The following SSBP3 variants were observed in gnomAD, a reference collection of about 807,000 sequenced individuals.
SSBP3 encodes single stranded DNA binding protein 3.
A neutral mutation model predicts 69.6 loss-of-function variants in SSBP3; 5 were observed. The observed-to-expected ratio is 0.07, with a 90% CI of 0.04 to 0.15. SSBP3 has a LOEUF of 0.15. Among genes scored for constraint, SSBP3 ranks in the 10% least tolerant of loss-of-function variants. The probability of loss-of-function intolerance (pLI) is 1.00; values close to 1 mark genes in which losing one functional copy is unlikely to be tolerated. For synonymous variants in SSBP3, 196 were observed against 193.4 expected (o/e 1.01, Z -0.11); for missense variants, 312 against 534.0 (o/e 0.58, Z 4.10).
At chr1:54,407,880 T>C (rs1009816416), upstream of SSBP3, among the ~76,000 whole-genome samples, 1 of 150,444 alleles carries the variant, frequency 6.6e-6, no homozygotes, top group African/African-American at 2.5e-5. Flanking sequence ...ACGTTTCAAG[T>C]AGGAAAACTC....
intron 4 of SSBP3, among the ~76,000 whole-genome samples, chr1:54,390,345 A>C (rs1056579323): frequency 1.2e-4 from 18 of 152,250 alleles, no homozygotes; most frequent in Admixed American, 1.1e-3. Flanking sequence ...GTCACTCTCT[A>C]AAATCCCAGG....
At position 54,369,014 on chromosome 1, in the gene SSBP3, C is replaced by G. The variant is rs148514166; in HGVS notation, c.276+32847G>C. On this transcript the variant is annotated intron_variant, in intron 4 of 17. Transcript: ENST00000610401. ...TGAGCAGAATTCACAGCACCACACTCCCCTAAAACAAGTAGATGGCTCCAT... is the reference window on the plus strand; with the variant it reads ...TGAGCAGAATTCACAGCACCACACTGCCCTAAAACAAGTAGATGGCTCCAT... Among the ~76,000 whole-genome samples the G allele has an allele frequency of 8.2e-3, 1,245 of 152,310 alleles. 11 individuals are homozygous for G. The highest frequency in any genetic ancestry group is 0.028 in the African/African-American group (1,163 of 41,554).
intron 4 of SSBP3, among the ~76,000 whole-genome samples, chr1:54,396,147 G>A (rs192291685): frequency 7.3e-6 from 1 of 136,696 alleles, no homozygotes; most frequent in Admixed American, 7.8e-5. Context: ...AGCCAAGATC[G>A]CGCCATGGCA....
intron 4 of SSBP3, among the ~76,000 whole-genome samples, chr1:54,293,406 T>A (rs1645643860): frequency 6.6e-6 from 1 of 152,158 alleles, no homozygotes; most frequent in Non-Finnish European, 1.5e-5. Flanking sequence ...AACACGGGAC[T>A]TCTCATAGAG....
intron 4 of SSBP3, among the ~76,000 whole-genome samples, chr1:54,313,435 C>CTTTTTT (rs752753963): frequency 1.4e-4 from 12 of 86,424 alleles, no homozygotes; most frequent in East Asian, 1.0e-3. Flanking sequence ...TGTGCCTGTG[C>CTTTTTT]TTTTTTTTTT....
rs771718036 is a variant in SSBP3, at chr1:54,401,852, G to A, written c.276+9C>T. On this transcript the variant is annotated intron_variant, in intron 4 of 17. Coordinates refer to ENST00000610401, the Ensembl canonical transcript of SSBP3. ...TAATTATTGCTAGGATTAAAAATAT[G>A]TTACTCACATAATCATGAAAGGCTT... 4.3e-6 allele frequency: 7 copies of A among 1,609,244 alleles called. No individual in the cohort carries two copies. Among genetic ancestry groups the A allele is most frequent in the Non-Finnish European group, 6.0e-6 (7 of 1,175,802 alleles).
At chr1:54,348,296 CAGAA>C (rs961759920) in intron 4 of SSBP3, among the ~76,000 whole-genome samples, 5 of 135,420 alleles carry the variant, frequency 3.7e-5, no homozygotes, top group Non-Finnish European at 7.7e-5. Flanking sequence ...AGAGAGTGGG[CAGAA>C]AGAAAGAGAA....
At chr1:54,318,933 T>A (rs1051546363) in intron 4 of SSBP3, among the ~76,000 whole-genome samples, 2 of 152,042 alleles carry the variant, frequency 1.3e-5, no homozygotes, top group African/African-American at 4.8e-5. Flanking sequence ...ATTTCATCTA[T>A]CCCCCGCAGC....
intron 4 of SSBP3, among the ~76,000 whole-genome samples, chr1:54,354,854 ACAT>A (rs1284667744): frequency 6.6e-6 from 1 of 152,196 alleles, no homozygotes; most frequent in Non-Finnish European, 1.5e-5. Flanking sequence ...ACTTCAGAAC[ACAT>A]CATCTGTACA....
chr1:54,290,242 C>T (rs757653430), intron 4 of SSBP3, among the ~76,000 whole-genome samples: 13 of 152,316 alleles, frequency 8.5e-5, no homozygotes, highest in South Asian at 2.1e-4. Flanking sequence ...TTACCTTCTG[C>T]ACCCCTCATC....
chr1:54,234,729 T>C (rs935353016), intron 14 of SSBP3, among the ~76,000 whole-genome samples: 3 of 151,916 alleles, frequency 2.0e-5, no homozygotes, highest in Non-Finnish European at 4.4e-5. Flanking sequence ...CTGAATTGCC[T>C]GAAGCCTTTA....
At chr1:54,343,726 A>G (rs181423318) in intron 4 of SSBP3, among the ~76,000 whole-genome samples, 35 of 152,308 alleles carry the variant, frequency 2.3e-4, no homozygotes, top group African/African-American at 7.0e-4. Context: ...TCATATAACT[A>G]TATCTACTTG....
intron 4 of SSBP3, among the ~76,000 whole-genome samples, chr1:54,378,243 AC>A (rs1647340598): frequency 6.6e-6 from 1 of 152,198 alleles, no homozygotes; most frequent in African/African-American, 2.4e-5. Context: ...TCCCCAACTT[AC>A]AGTTTTTCCT....
intron 7 of SSBP3, among the ~76,000 whole-genome samples, chr1:54,256,561 G>A (rs144158157): frequency 2.0e-5 from 3 of 152,016 alleles, no homozygotes; most frequent in Non-Finnish European, 2.9e-5. Flanking sequence ...CTAATTACAC[G>A]AACAAATCCT....
intron 4 of SSBP3, among the ~76,000 whole-genome samples, chr1:54,336,089 G>A (rs139820763): frequency 6.6e-6 from 1 of 152,322 alleles, no homozygotes; most frequent in East Asian, 1.9e-4. Flanking sequence ...GGAATAAACA[G>A]AACCATCTCT....
intron 4 of SSBP3, chr1:54,356,570 G>A (rs1006702959): frequency 1.1e-4 from 16 of 152,218 alleles, no homozygotes; most frequent in Admixed American, 2.6e-4. Flanking sequence ...GGAGCTAGGC[G>A]GCGGGGACAG....
chr1:54,308,721 C>A (rs1645945551), intron 4 of SSBP3, among the ~76,000 whole-genome samples: 2 of 151,562 alleles, frequency 1.3e-5, no homozygotes, highest in African/African-American at 4.9e-5. Context: ...TAAGCCAAGA[C>A]TGCACCACTG....
At chr1:54,282,690 T>C (rs1569600713) in intron 4 of SSBP3, among the ~76,000 whole-genome samples, 1 of 152,174 alleles carries the variant, frequency 6.6e-6, no homozygotes. Flanking sequence ...AAGCCACAGG[T>C]CTGACAGTCC....
intron 4 of SSBP3, among the ~76,000 whole-genome samples, chr1:54,335,476 C>T (rs1646492279): frequency 6.6e-6 from 1 of 152,192 alleles, no homozygotes; most frequent in African/African-American, 2.4e-5. Context: ...ATGTCAAGAA[C>T]CCTCATGCAA....
Sources: gnomAD v4.1 joint callset for allele counts (sites outside exome capture counted in the v4.1 genomes callset) on GRCh38, gnomAD v4.1.1 for gene constraint, MANE v1.5 for transcripts, NCBI Gene and HGNC (gene_info 2026-07-23, HGNC 2026-07-21) for gene names.